RELN: variants seen among roughly 807,000 people sequenced by gnomAD.
The protein encoded by RELN is reelin.
A neutral mutation model predicts 427.6 loss-of-function variants in RELN; 108 were observed. That is an observed-to-expected ratio of 0.25 (90% CI 0.22 to 0.30). The LOEUF is 0.30. Among genes scored for constraint, RELN ranks in the 10% least tolerant of loss-of-function variants. The pLI is 1.00. For missense variants in RELN, 3,715 were observed against 4,302.8 expected (o/e 0.86, Z 3.82); for synonymous variants, 1,524 against 1,513.4 (o/e 1.01, Z -0.16).
At chr7:103,773,330 T>C (rs1791643640) in intron 4 of RELN, among the ~76,000 whole-genome samples, 1 of 94,544 alleles carries the variant, frequency 1.1e-5, no homozygotes, top group Non-Finnish European at 2.0e-5. Context: ...CGTCTCTCTC[T>C]CTCCCTCGCT....
At chr7:103,613,222 G>A (rs1345395521) in intron 20 of RELN, among the ~76,000 whole-genome samples, 2 of 152,092 alleles carry the variant, frequency 1.3e-5, no homozygotes, top group Non-Finnish European at 2.9e-5. Flanking sequence ...TGACTCTAAA[G>A]CTTCTTAACC....
intron 28 of RELN, 69 bp downstream of exon 28, chr7:103,589,527 T>G (rs1831360117): frequency 2.0e-6 from 2 of 1,017,492 alleles, no homozygotes; most frequent in Non-Finnish European, 3.1e-6. Context: ...GATTACAACA[T>G]TTAGGGTTAT....
At chr7:103,807,911 C>T (rs1172289039) in intron 3 of RELN, among the ~76,000 whole-genome samples, 1 of 152,046 alleles carries the variant, frequency 6.6e-6, no homozygotes, top group African/African-American at 2.4e-5. Context: ...GCCCTCATCC[C>T]ACCAGCAGAA....
chr7:103,636,162 A>G (rs2117350737), intron 18 of RELN, 73 bp downstream of exon 18: 1 of 1,000,016 alleles, frequency 1.0e-6, no homozygotes, highest in East Asian at 2.6e-5. Flanking sequence ...TATAAGAAAT[A>G]AAAATGGACA....
At chr7:103,597,462 G>C (rs1831564467) in intron 24 of RELN, among the ~76,000 whole-genome samples, 1 of 152,120 alleles carries the variant, frequency 6.6e-6, no homozygotes, top group Non-Finnish European at 1.5e-5. Context: ...AATCAGCCAG[G>C]TATGGTGGCA....
rs115812091 is a variant in RELN, at chr7:103,929,951, T to C, written c.227-12766A>G. ...GAGGTCACAAATACATTTTAGTCAA[T>C]AGATGAAATCACAAAGAAGGAACAT... is the stretch of plus-strand genomic sequence containing the variant. On this transcript the variant is annotated intron_variant, in intron 1 of 64. Coordinates refer to ENST00000428762, the MANE Select transcript of RELN (RefSeq NM_005045.4). Among the ~76,000 whole-genome samples the C allele has an allele frequency of 4.5e-3, 687 of 152,332 alleles. 3 individuals carry two copies. The highest frequency in any genetic ancestry group is 0.015 in the African/African-American group (634 of 41,572).
At chr7:103,857,928 C>A (rs1231300794) in intron 2 of RELN, among the ~76,000 whole-genome samples, 1 of 152,186 alleles carries the variant, frequency 6.6e-6, no homozygotes, top group East Asian at 1.9e-4. Flanking sequence ...ACATTTCTCT[C>A]TAGATATAAC....
In RELN at chr7:103,566,877, ATT is replaced by A. The variant is rs1830765675; in HGVS notation, c.4589-120_4589-119del. On this transcript the variant is annotated intron_variant, in intron 31 of 64. Transcript: ENST00000428762. ...ATTGTGTCTCCTAGAACGAGGGCAC[ATT>A]TGTGTAACTTCCAAGGAATGAATTA... 5.2e-6 allele frequency: 5 copies of A among 964,422 alleles called. No homozygotes were observed. The South Asian group carries it at 6.7e-5, about 13-fold the overall frequency. 59.7% of individuals were successfully genotyped at this position (964,422 alleles called of 1,614,324 possible).
rs955167603 is a variant in RELN, at chr7:103,563,507, G to A, written c.5211-1554C>T. On this transcript the variant is annotated intron_variant, in intron 34 of 64. Transcript: ENST00000428762. The surrounding 1 kb of genome is among the most constrained non-coding windows in gnomAD (Gnocchi z 4.1). ...TGTGTTTTAAGCTGTTATCACAAGA[G>A]TCCAAAAGTTTTAAAAAAAGTTTAT... Among the ~76,000 whole-genome samples the A allele has an allele frequency of 1.3e-5, 2 of 152,148 alleles. No homozygotes were observed. The highest frequency in any genetic ancestry group is 6.5e-5 in the Admixed American group (1 of 15,276).
intron 17 of RELN, among the ~76,000 whole-genome samples, chr7:103,638,731 CAGA>C (rs1221922457): frequency 1.3e-5 from 2 of 152,066 alleles, no homozygotes; most frequent in African/African-American, 2.4e-5. Flanking sequence ...CATAAAACCT[CAGA>C]AGGAGGAAAA....
chr7:103,672,986 T>C (rs959591311), intron 11 of RELN, among the ~76,000 whole-genome samples: 10 of 152,246 alleles, frequency 6.6e-5, no homozygotes, highest in Middle Eastern at 3.4e-3. Flanking sequence ...GTATATTAGT[T>C]CCTCTTTGAC....
At chr7:103,755,324 A>AATAAAAAC (rs1214876266) in intron 4 of RELN, among the ~76,000 whole-genome samples, 1 of 151,742 alleles carries the variant, frequency 6.6e-6, no homozygotes, top group African/African-American at 2.4e-5. Context: ...AAAATAAAAA[A>AATAAAAAC]ATGGCCAGGC....
intron 50 of RELN, chr7:103,513,694 A>G (rs1041709550): frequency 5.9e-5 from 9 of 152,184 alleles, no homozygotes; most frequent in Non-Finnish European, 1.2e-4. Context: ...ATCCAGTATT[A>G]TTATTGAATA....
intron 1 of RELN, among the ~76,000 whole-genome samples, chr7:103,975,702 C>T (rs563632527): frequency 8.7e-5 from 13 of 149,182 alleles, no homozygotes; most frequent in East Asian, 3.9e-4. Flanking sequence ...CCCGCCACCA[C>T]GCCTGGCTGA....
rs757486664 is a variant in RELN at position 103,951,543 on chromosome 7, C to A, written c.227-34358G>T. On this transcript the variant is annotated intron_variant, in intron 1 of 64. Transcript: ENST00000428762. ...CTGCTTTAAGAAGACCTTCCTTTCACCCTAGTTTGCCACCCCTCAGTGCAG... is the reference window on the plus strand; with the variant it reads ...CTGCTTTAAGAAGACCTTCCTTTCAACCTAGTTTGCCACCCCTCAGTGCAG... Among the ~76,000 whole-genome samples, 7 of 152,174 alleles carry A rather than the reference C, an allele frequency of 4.6e-5. 1 individual carries two copies. Among genetic ancestry groups the A allele is most frequent in the Non-Finnish European group, 7.3e-5 (5 of 68,036 alleles).
At chr7:103,970,071 C>CT (rs1796732680) in intron 1 of RELN, among the ~76,000 whole-genome samples, 2 of 152,124 alleles carry the variant, frequency 1.3e-5, no homozygotes, top group Admixed American at 1.3e-4. Flanking sequence ...AACCCCACAC[C>CT]TGAGGTCAAA....
intron 1 of RELN, among the ~76,000 whole-genome samples, chr7:103,929,971 G>C (rs556817080): frequency 1.3e-5 from 2 of 152,316 alleles, no homozygotes; most frequent in Admixed American, 6.5e-5. Context: ...CACAAAGAAG[G>C]AACATGCAAA....
In RELN at chr7:103,989,442, G is replaced by A; in HGVS notation, c.-86C>T. 2 of 1,181,988 alleles carry A rather than the reference G, an allele frequency of 1.7e-6. No homozygotes were observed. Among genetic ancestry groups the A allele is most frequent in the South Asian group, 2.2e-5 (1 of 46,426 alleles). 73.2% of individuals were successfully genotyped at this position (1,181,988 alleles called of 1,614,324 possible). ...AGACGCCGGGACGGAGGAGCCACGC[G>A]GAGAGAAGGCGAGAAGAAGGCGGAC... On this transcript the variant is annotated 5_prime_UTR_variant, in exon 1 of 65. Transcript: ENST00000428762. The surrounding 1 kb of genome is among the most constrained non-coding windows in gnomAD (Gnocchi z 4.9).
rs570623594 is a variant in RELN at position 103,860,670 on chromosome 7, C to G, written c.338-26998G>C. On this transcript the variant is annotated intron_variant, in intron 2 of 64. Transcript: ENST00000428762. ...CCAAGATCCACCTGTCTCGGCCTCC[C>G]AAAGTGCTGGGATTACAGGCATGAG... Among the ~76,000 whole-genome samples, 9 of 152,208 alleles carry G rather than the reference C, an allele frequency of 5.9e-5. No homozygotes were observed. The South Asian group carries it at 1.7e-3, about 28-fold the overall frequency.
Sources: allele counts gnomAD v4.1 joint callset (sites outside exome capture counted in the v4.1 genomes callset), GRCh38; gene constraint gnomAD v4.1.1; non-coding constraint Gnocchi (gnomAD v3.1); transcripts MANE v1.5; gene names NCBI Gene and HGNC (gene_info 2026-07-23, HGNC 2026-07-21).